The following NT5DC1 variants were observed in gnomAD, a reference collection of about 807,000 sequenced individuals.
NT5DC1 encodes 5'-nucleotidase domain-containing protein 1.
Under a neutral mutation model 59.4 loss-of-function variants are expected in NT5DC1, and 42 were observed. The ratio of observed to expected loss-of-function variants is 0.71; its 90% CI spans 0.55 to 0.92. The LOEUF is 0.92. Among genes scored for constraint, NT5DC1 ranks in the 40% least tolerant of loss-of-function variants. The pLI is 0.00. For missense variants in NT5DC1, 501 were observed against 537.1 expected, an observed-to-expected ratio of 0.93 and a Z score of 0.66; for synonymous variants, 172 against 188.1, an observed-to-expected ratio of 0.91 and a Z score of 0.70.
intron 6 of NT5DC1, among the ~76,000 whole-genome samples, chr6:116,151,494 C>T (rs1409532029): frequency 6.6e-6 from 1 of 152,110 alleles, no homozygotes; most frequent in Non-Finnish European, 1.5e-5. Context: ...ACTTGAAATA[C>T]ATTGAGCACT....
rs115165945 is a variant in NT5DC1, at chr6:116,188,390, G to A, written c.530-32664G>A. Reference sequence around the variant, plus strand: ...TGGCATTCACTATTACACCAAATTAGAGACAGCCCAAATATCCCTCAATAG... The same window carrying A: ...TGGCATTCACTATTACACCAAATTAAAGACAGCCCAAATATCCCTCAATAG... On this transcript the variant is annotated intron_variant, in intron 6 of 11. Transcript: ENST00000319550. 8.3e-3 allele frequency among the ~76,000 whole-genome samples: 1,268 copies of A among 152,082 alleles called. 24 individuals carry two copies. The highest frequency in any genetic ancestry group is 0.029 in the African/African-American group (1,193 of 41,506).
chr6:116,107,990 ATGTG>A (rs59382013), intron 2 of NT5DC1, among the ~76,000 whole-genome samples: 1 of 150,450 alleles, frequency 6.6e-6, no homozygotes, highest in African/African-American at 2.4e-5. Context: ...TAGAATATAA[ATGTG>A]TGTGTGTGTG....
At chr6:116,125,228 A>C in intron 6 of NT5DC1, 1 of 1,246,532 alleles carries the variant, frequency 8.0e-7, no homozygotes, top group Non-Finnish European at 1.1e-6. Context: ...GGGCTAATTC[A>C]GAAGTTGGAA....
intron 6 of NT5DC1, among the ~76,000 whole-genome samples, chr6:116,212,934 G>A (rs1781608539): frequency 6.6e-6 from 1 of 152,160 alleles, no homozygotes; most frequent in African/African-American, 2.4e-5. Flanking sequence ...TTTATATGCA[G>A]TAGAAACCTT....
intron 11 of NT5DC1, among the ~76,000 whole-genome samples, chr6:116,240,363 T>A (rs1771683418): frequency 6.6e-6 from 1 of 152,238 alleles, no homozygotes; most frequent in Non-Finnish European, 1.5e-5. Flanking sequence ...TAATAACTAT[T>A]TACATAGCAT....
chr6:116,110,829 T>C, intron 3 of NT5DC1, 21 bp from the exon 4 acceptor site: 2 of 1,547,246 alleles, frequency 1.3e-6, no homozygotes, highest in Non-Finnish European at 1.8e-6. Flanking sequence ...ATGAGCAATG[T>C]GCCTCCTCTC....
At chr6:116,191,903 C>G (rs983726423) in intron 6 of NT5DC1, among the ~76,000 whole-genome samples, 3 of 151,984 alleles carry the variant, frequency 2.0e-5, no homozygotes, top group African/African-American at 7.2e-5. Flanking sequence ...AGTGATAAAT[C>G]AAATCAGTTT....
chr6:116,211,451 A>G (rs1781576087), intron 6 of NT5DC1, among the ~76,000 whole-genome samples: 1 of 152,086 alleles, frequency 6.6e-6, no homozygotes, highest in African/African-American at 2.4e-5. Context: ...CAATAATTTA[A>G]TCTCTTTAAA....
intron 6 of NT5DC1, among the ~76,000 whole-genome samples, chr6:116,169,046 A>AT (rs1330538255): frequency 1.3e-5 from 2 of 152,156 alleles, no homozygotes; most frequent in East Asian, 1.9e-4. Context: ...ACTGGCCTCC[A>AT]TTTTTTGTCC....
intron 6 of NT5DC1, among the ~76,000 whole-genome samples, chr6:116,124,047 T>C (rs1779218656): frequency 6.6e-6 from 1 of 152,126 alleles, no homozygotes; most frequent in Non-Finnish European, 1.5e-5. Context: ...TTTTTTTCTT[T>C]ACTAGCCTTT....
At chr6:116,152,684 C>T (rs986083777) in intron 6 of NT5DC1, among the ~76,000 whole-genome samples, 3 of 152,064 alleles carry the variant, frequency 2.0e-5, no homozygotes, top group Admixed American at 6.6e-5. Context: ...CCTACTGTAT[C>T]TTCTCTTCTT....
At chr6:116,107,411 G>A (rs1259460472) in intron 2 of NT5DC1, among the ~76,000 whole-genome samples, 1 of 150,582 alleles carries the variant, frequency 6.6e-6, no homozygotes, top group Non-Finnish European at 1.5e-5. Context: ...TTGGTATTTG[G>A]TAGCCATTAT....
intron 6 of NT5DC1, among the ~76,000 whole-genome samples, chr6:116,185,559 G>C (rs1347637492): frequency 1.3e-5 from 2 of 151,954 alleles, no homozygotes; most frequent in Admixed American, 6.6e-5. Flanking sequence ...TGTTGGGTGC[G>C]TATATAGTTA....
intron 1 of NT5DC1, among the ~76,000 whole-genome samples, 186 bp downstream of exon 1, chr6:116,101,209 C>G (rs1778642609): frequency 6.6e-6 from 1 of 152,166 alleles, no homozygotes; most frequent in South Asian, 2.1e-4. Context: ...GCGCCGGTGC[C>G]GTGGGGACCG....
intron 6 of NT5DC1, among the ~76,000 whole-genome samples, chr6:116,167,958 T>C (rs924028876): frequency 2.0e-5 from 3 of 152,202 alleles, no homozygotes; most frequent in African/African-American, 7.2e-5. Context: ...GTCTAGTTTC[T>C]ATTGTTTATG....
chr6:116,102,219 C>T (rs1366486976), intron 1 of NT5DC1, among the ~76,000 whole-genome samples: 1 of 145,034 alleles, frequency 6.9e-6, no homozygotes, highest in East Asian at 1.9e-4. Context: ...TTATGGGCAC[C>T]CGCCAGTTCC....
chr6:116,237,068 G>A lies in NT5DC1; in HGVS notation c.905G>A (p.Gly302Asp), dbSNP rs150293032. ...TATGAACTTCTGAAGAAAATGACTG[G>A]CAAACCTGAACCCAAGGTATTTCCC... ...HLYELLKKMT[G>D]KPEPKVVYFG... is the part of the protein sequence containing the mutation. The change falls in exon 9 of 12, where the codon GGC becomes GAC. Residue 302 changes from glycine (G) to aspartate (D), a missense_variant. Coordinates refer to ENST00000319550, the MANE Select transcript of NT5DC1 (RefSeq NM_152729.3). 724 of 1,606,716 alleles carry A rather than the reference G, an allele frequency of 4.5e-4. 3 individuals carry two copies. The highest frequency in any genetic ancestry group is 4.5e-4 in the Admixed American group (27 of 59,970).
intron 6 of NT5DC1, among the ~76,000 whole-genome samples, chr6:116,139,598 A>T (rs1310042919): frequency 1.3e-5 from 2 of 152,188 alleles, no homozygotes; most frequent in Non-Finnish European, 2.9e-5. Flanking sequence ...AAGACAGTAA[A>T]GAGCCCTTCC....
chr6:116,154,248 A>G (rs564037779), intron 6 of NT5DC1, among the ~76,000 whole-genome samples: 46 of 152,300 alleles, frequency 3.0e-4, no homozygotes, highest in African/African-American at 1.1e-3. Flanking sequence ...GTTGATAAAT[A>G]TATTCAATAT....
Sources: allele counts gnomAD v4.1 joint callset (sites outside exome capture counted in the v4.1 genomes callset), GRCh38; gene constraint gnomAD v4.1.1; transcripts MANE v1.5; gene names NCBI Gene and HGNC (gene_info 2026-07-23, HGNC 2026-07-21).